Variants in SSH2 observed in about 807,000 individuals in gnomAD.
The protein encoded by SSH2 is protein phosphatase Slingshot homolog 2.
In SSH2, 37 loss-of-function variants were observed where a neutral mutation model predicts 135.2. The ratio of observed to expected loss-of-function variants is 0.27; its 90% CI spans 0.21 to 0.36. The LOEUF is 0.36. Ranked by LOEUF, SSH2 falls within the 10% of genes least tolerant of loss-of-function variation. The probability of loss-of-function intolerance (pLI) is 1.00; values close to 1 mark genes in which losing one functional copy is unlikely to be tolerated. For missense variants in SSH2, 1,408 were observed against 1,765.3 expected, an observed-to-expected ratio of 0.80 and a Z score of 3.63; for synonymous variants, 628 against 646.2, an observed-to-expected ratio of 0.97 and a Z score of 0.43.
At chr17:29,833,098 AGTTCCATTT>A (rs2042876520) in intron 2 of SSH2, among the ~76,000 whole-genome samples, 1 of 152,256 alleles carries the variant, frequency 6.6e-6, no homozygotes, top group South Asian at 2.1e-4. Flanking sequence ...AATATCTATT[AGTTCCATTT>A]GGTCTATAGT....
Position 29,632,712 on chromosome 17 carries a change from C to T in SSH2, c.2482G>A (p.Gly828Arg), listed in dbSNP as rs953065258. 12 of 1,613,982 alleles carry T rather than the reference C, an allele frequency of 7.4e-6. No homozygotes were observed. Among genetic ancestry groups the T allele is most frequent in the Non-Finnish European group, 1.0e-5 (12 of 1,180,040 alleles). Residue 828 changes from glycine (G) to arginine (R), a missense_variant, in exon 16 of 16, where the codon GGA becomes AGA. By Grantham distance (125) the Gly-to-Arg change is moderately radical. Coordinates refer to ENST00000540801, the MANE Select transcript of SSH2 (RefSeq NM_001282129.2). ...ERAQTPENKP[G>R]HMEQDEDSCT... ...GAGTCCTCATCTTGCTCCATATGTCCAGGTTTGTTCTCTGGAGTCTGGGCC... is the reference window on the plus strand; with the variant it reads ...GAGTCCTCATCTTGCTCCATATGTCTAGGTTTGTTCTCTGGAGTCTGGGCC...
Position 29,631,647 on chromosome 17 carries a change from C to G in SSH2, c.3547G>C (p.Glu1183Gln). ...QSSTTDEPSAEQVSWEESQES... is the reference protein window; with the variant it reads ...QSSTTDEPSAQQVSWEESQES... ...TGACTTTCTTCCCAGCTAACCTGTT[C>G]TGCAGAGGGCTCATCTGTAGTGCTG... Residue 1183 changes from glutamate (E) to glutamine (Q), a missense_variant, in exon 16 of 16, where the codon GAA becomes CAA. Transcript: ENST00000540801. 1 of 1,614,236 alleles carries G rather than the reference C, an allele frequency of 6.2e-7. No individual in the cohort carries two copies. The highest frequency in any genetic ancestry group is 8.5e-7 in the Non-Finnish European group (1 of 1,180,046).
chr17:29,772,602 T>C (rs926195869), intron 3 of SSH2, among the ~76,000 whole-genome samples: 2 of 152,098 alleles, frequency 1.3e-5, no homozygotes, highest in African/African-American at 4.8e-5. Flanking sequence ...CCAGAGAAGA[T>C]TGGCATGTGA....
rs1476486147 is a variant in SSH2 at position 29,833,753 on chromosome 17, TCCTC to T, written c.144+15092_144+15095del. Among the ~76,000 whole-genome samples, 46 of 82,134 alleles carry T rather than the reference TCCTC, an allele frequency of 5.6e-4. 2 individuals carry two copies. Among genetic ancestry groups the T allele is most frequent in the African/African-American group, 2.2e-3 (44 of 20,038 alleles). 53.9% of individuals were successfully genotyped at this position (82,134 alleles called of 152,430 possible). A position where few individuals can be genotyped will look rare whatever the true frequency, so the allele number is the denominator to read the frequency against. ...TCCCTACTTCCCTCCCTTCCTTCTT[TCCTC>T]CCTCCCTTTCTCCTTCCCTCCCTCC... On this transcript the variant is annotated intron_variant, in intron 2 of 15. Transcript: ENST00000540801.
intron 1 of SSH2, among the ~76,000 whole-genome samples, chr17:29,886,738 C>T (rs1172252445): frequency 7.0e-6 from 1 of 143,794 alleles, no homozygotes; most frequent in Non-Finnish European, 1.5e-5. Context: ...CAGAGAAAGA[C>T]TCCATCTCAA....
At chr17:29,890,230 G>A (rs1408811604) in intron 1 of SSH2, among the ~76,000 whole-genome samples, 1 of 152,142 alleles carries the variant, frequency 6.6e-6, no homozygotes, top group East Asian at 1.9e-4. Flanking sequence ...GTAAAATGGT[G>A]CAGCTGCTGT....
At chr17:29,922,770 G>A (rs531589934) in intron 1 of SSH2, among the ~76,000 whole-genome samples, 1 of 152,094 alleles carries the variant, frequency 6.6e-6, no homozygotes, top group East Asian at 1.9e-4. Flanking sequence ...GAAATAACAA[G>A]ACACCAATTC....
At chr17:29,718,125 C>T (rs1321300031) in intron 3 of SSH2, among the ~76,000 whole-genome samples, 3 of 152,198 alleles carry the variant, frequency 2.0e-5, no homozygotes, top group Non-Finnish European at 4.4e-5. Flanking sequence ...AACATTTTCT[C>T]AGTCCTTATC....
At chr17:29,899,155 A>C (rs1289303423) in intron 1 of SSH2, among the ~76,000 whole-genome samples, 1 of 151,956 alleles carries the variant, frequency 6.6e-6, no homozygotes, top group Admixed American at 6.6e-5. Context: ...ATCTATGACA[A>C]ACCCACAGCC....
chr17:29,844,213 T>A (rs1287806670), intron 2 of SSH2, among the ~76,000 whole-genome samples: 1 of 152,124 alleles, frequency 6.6e-6, no homozygotes, highest in Non-Finnish European at 1.5e-5. Flanking sequence ...AAACAGACCA[T>A]AAAAATAGTA....
At chr17:29,692,094 C>T (rs1397152995) in intron 5 of SSH2, among the ~76,000 whole-genome samples, 2 of 150,660 alleles carry the variant, frequency 1.3e-5, no homozygotes, top group Admixed American at 6.6e-5. Flanking sequence ...GGGCCAAGAT[C>T]GAGCCACTGC....
chr17:29,671,897 T>C (rs776008691), intron 9 of SSH2, 38 bp downstream of exon 9: 22 of 1,561,782 alleles, frequency 1.4e-5, no homozygotes, highest in Non-Finnish European at 1.8e-5. Context: ...CAGGACATAA[T>C]GGAGAGAACT....
At position 29,703,055 on chromosome 17, in the gene SSH2, C is replaced by T. The variant is rs541625899; in HGVS notation, c.196G>A (p.Glu66Lys). ...GCACCTTTGACAGTTAGAAAGCTCT[C>T]GCTGATGCTACAAGGAAAAAGTCAA... Reference protein sequence around the residue: ...ECRSQPRSISESFLTVKGAAL... With the variant: ...ECRSQPRSISKSFLTVKGAAL... The change falls in exon 4 of 16, where the codon GAG becomes AAG. Residue 66 changes from glutamate (E) to lysine (K), a missense_variant. Transcript: ENST00000540801. The T allele has an allele frequency of 4.3e-6, 7 of 1,610,788 alleles. No individual in the cohort carries two copies. Among genetic ancestry groups the T allele is most frequent in the East Asian group, 2.2e-5 (1 of 44,864 alleles).
intron 3 of SSH2, among the ~76,000 whole-genome samples, chr17:29,774,812 G>A (rs1165771811): frequency 1.3e-5 from 2 of 152,128 alleles, no homozygotes; most frequent in Non-Finnish European, 2.9e-5. Context: ...TAAGGTGCAG[G>A]ATGGCAAGAG....
chr17:29,753,503 G>A (rs2041014832), intron 3 of SSH2, among the ~76,000 whole-genome samples: 2 of 151,852 alleles, frequency 1.3e-5, no homozygotes, highest in African/African-American at 4.8e-5. Flanking sequence ...TGCTGGTTAA[G>A]AGCAAATTGG....
At chr17:29,886,934 G>T (rs1402799049) in intron 1 of SSH2, among the ~76,000 whole-genome samples, 1 of 152,104 alleles carries the variant, frequency 6.6e-6, no homozygotes, top group Admixed American at 6.6e-5. Context: ...TTTACCAAGA[G>T]TATGTGGTAT....
chr17:29,628,299 A>G lies in SSH2; in HGVS notation c.*2542T>C, dbSNP rs1253777406. 6.6e-6 allele frequency: 1 copy of G among 152,206 alleles called. No homozygotes were observed. Among genetic ancestry groups the G allele is most frequent in the Non-Finnish European group, 1.5e-5 (1 of 68,040 alleles). The allele number at this position is 152,206 out of a possible 1,614,324, so 9.4% of individuals were successfully genotyped here. ...AAAAAAGTAATTATAAAAAGGCAGA[A>G]AGACTTTCCTCTGCTCTTGAAAATT... is the stretch of plus-strand genomic sequence containing the variant. On this transcript the variant is annotated 3_prime_UTR_variant, in exon 16 of 16. Coordinates refer to ENST00000540801, the MANE Select transcript of SSH2 (RefSeq NM_001282129.2).
chr17:29,649,961 T>G (rs1048556723), intron 13 of SSH2, among the ~76,000 whole-genome samples: 6 of 152,160 alleles, frequency 3.9e-5, no homozygotes, highest in African/African-American at 1.4e-4. Context: ...ACAAAAGCAC[T>G]TCTCATCTGC....
chr17:29,666,841 C>G (rs746544724), intron 11 of SSH2, 26 bp downstream of exon 11: 3 of 1,613,000 alleles, frequency 1.9e-6, no homozygotes, highest in Non-Finnish European at 2.5e-6. Context: ...CGTTAGCACA[C>G]CACTTAAAGT....
Sources: allele counts gnomAD v4.1 joint callset (sites outside exome capture counted in the v4.1 genomes callset), GRCh38; gene constraint gnomAD v4.1.1; transcripts MANE v1.5; gene names NCBI Gene and HGNC (gene_info 2026-07-23, HGNC 2026-07-21).